Variants in CASK observed in about 807,000 individuals in gnomAD.
CASK encodes the protein peripheral plasma membrane protein CASK.
Under a neutral mutation model 82.9 loss-of-function variants are expected in CASK, and 4 were observed. The observed-to-expected ratio is 0.05, with a 90% confidence interval of 0.02 to 0.11. The LOEUF is 0.11. CASK is among the 10% of genes least tolerant of loss of function. CASK has a pLI of 1.00. For missense variants in CASK, 358 were observed against 720.9 expected, an observed-to-expected ratio of 0.50 and a Z score of 5.76; for synonymous variants, 259 against 253.5, an observed-to-expected ratio of 1.02 and a Z score of -0.20.
At chrX:41,627,973 C>T (rs1373767929) in intron 9 of CASK, among the ~76,000 whole-genome samples, 1 of 110,881 alleles carries the variant, frequency 9.0e-6, no homozygotes, top group Non-Finnish European at 1.9e-5. Flanking sequence ...CATTGCACTC[C>T]AGCCTGGGCA....
intron 1 of CASK, among the ~76,000 whole-genome samples, chrX:41,864,161 TA>T (rs1359433038): frequency 8.9e-6 from 1 of 111,760 alleles, no homozygotes; most frequent in Non-Finnish European, 1.9e-5. Flanking sequence ...CTAAATTAAA[TA>T]AAATTAAATT....
chrX:41,793,518 GA>G (rs1361437482), intron 2 of CASK, among the ~76,000 whole-genome samples: 3 of 111,976 alleles, frequency 2.7e-5, no homozygotes, highest in African/African-American at 9.7e-5. Flanking sequence ...GTGATAGTCA[GA>G]AACTAGATAC....
intron 21 of CASK, among the ~76,000 whole-genome samples, chrX:41,551,361 T>C (rs1413103942): frequency 2.7e-5 from 3 of 111,296 alleles, no homozygotes; most frequent in Non-Finnish European, 5.7e-5. Context: ...AGTCCTCCGG[T>C]GTTGAAGGGA....
intron 15 of CASK, among the ~76,000 whole-genome samples, chrX:41,572,196 T>G (rs1487488904): frequency 9.1e-6 from 1 of 109,682 alleles, no homozygotes; most frequent in Non-Finnish European, 1.9e-5. Context: ...GTGATCCTCC[T>G]GCCTCAGCCT....
intron 2 of CASK, among the ~76,000 whole-genome samples, chrX:41,830,774 C>T (rs1278189915): frequency 1.5e-4 from 15 of 98,836 alleles, no homozygotes; most frequent in East Asian, 1.3e-3. Flanking sequence ...GAGCCGAGAT[C>T]GCGCCACTGC....
chrX:41,571,542 T>C (rs1169180085), intron 15 of CASK, among the ~76,000 whole-genome samples: 5 of 111,910 alleles, frequency 4.5e-5, no homozygotes, highest in African/African-American at 9.7e-5. Context: ...ATGTTTTTTT[T>C]CCCCGTGATT....
chrX:41,757,118 T>A (rs1045244948), intron 3 of CASK, among the ~76,000 whole-genome samples: 1 of 112,394 alleles, frequency 8.9e-6, no homozygotes, highest in Non-Finnish European at 1.9e-5. Context: ...TACTATATTA[T>A]TGATATAATT....
chrX:41,522,720 T>C, intron 26 of CASK, among the ~76,000 whole-genome samples: 2 of 112,124 alleles, frequency 1.8e-5, no homozygotes, highest in Non-Finnish European at 3.8e-5. Context: ...TCAAGAAAAT[T>C]TATGGCTGAA....
intron 5 of CASK, among the ~76,000 whole-genome samples, chrX:41,698,461 T>C (rs766268102): frequency 1.4e-4 from 16 of 111,785 alleles, no homozygotes; most frequent in Non-Finnish European, 2.8e-4. Context: ...TTCTTGGCTA[T>C]AGGAGATCAA....
chrX:41,696,736 C>T, intron 5 of CASK: 2 of 1,199,453 alleles, frequency 1.7e-6, no homozygotes, highest in African/African-American at 3.5e-5. Flanking sequence ...CTGCATGATA[C>T]ATCTGTGGCA....
chrX:41,891,992 C>A (rs2148048091), intron 1 of CASK, among the ~76,000 whole-genome samples: 1 of 111,024 alleles, frequency 9.0e-6, no homozygotes, highest in Non-Finnish European at 1.9e-5. Context: ...GAGTTCAAGA[C>A]CAGGCTGGGC....
intron 5 of CASK, among the ~76,000 whole-genome samples, chrX:41,677,213 G>C (rs2067282524): frequency 9.2e-6 from 1 of 108,299 alleles, no homozygotes; most frequent in African/African-American, 3.4e-5. Context: ...GATTTTATAA[G>C]ATGACATTAA....
chrX:41,802,080 C>T (rs2147863576), intron 2 of CASK, among the ~76,000 whole-genome samples: 2 of 111,191 alleles, frequency 1.8e-5, no homozygotes, highest in South Asian at 7.6e-4. Flanking sequence ...AATGAATTTA[C>T]CCATATACAG....
intron 3 of CASK, among the ~76,000 whole-genome samples, chrX:41,755,043 T>G (rs1477781645): frequency 9.1e-6 from 1 of 109,752 alleles, no homozygotes; most frequent in Non-Finnish European, 1.9e-5. Context: ...CACACCCAGC[T>G]AATTTTTGTA....
intron 11 of CASK, among the ~76,000 whole-genome samples, chrX:41,618,943 C>T (rs1268009998): frequency 1.9e-5 from 2 of 107,001 alleles, no homozygotes; most frequent in African/African-American, 6.8e-5. Context: ...TCTCCTGCCT[C>T]AGCCTCCCGA....
At chrX:41,568,976 T>C (rs574156143) in intron 16 of CASK, among the ~76,000 whole-genome samples, 1 of 111,615 alleles carries the variant, frequency 9.0e-6, no homozygotes, top group African/African-American at 3.3e-5. Context: ...CCTGGGTGAC[T>C]GAGCCAGACC....
chrX:41,575,171 G>A (rs2065468609), intron 15 of CASK, among the ~76,000 whole-genome samples: 1 of 112,123 alleles, frequency 8.9e-6, no homozygotes, highest in Non-Finnish European at 1.9e-5. Flanking sequence ...TAACATTAAC[G>A]TGAATTTACT....
intron 2 of CASK, among the ~76,000 whole-genome samples, chrX:41,803,298 C>G (rs1375011852): frequency 1.8e-5 from 2 of 111,724 alleles, no homozygotes; most frequent in Non-Finnish European, 3.8e-5. Flanking sequence ...CATAAAATAA[C>G]AAGCAATCGG....
chrX:41,812,960 G>C (rs2070329675), intron 2 of CASK, among the ~76,000 whole-genome samples: 1 of 110,980 alleles, frequency 9.0e-6, no homozygotes, highest in African/African-American at 3.3e-5. Context: ...GACAAACAGA[G>C]AGCCAAATCA....
Sources: gnomAD v4.1 joint callset for allele counts (sites outside exome capture counted in the v4.1 genomes callset) on GRCh38, gnomAD v4.1.1 for gene constraint, MANE v1.5 for transcripts, NCBI Gene and HGNC (gene_info 2026-07-23, HGNC 2026-07-21) for gene names.